Variants in ABCC8 observed in about 807,000 individuals in gnomAD.
ABCC8 encodes ATP-binding cassette sub-family C member 8.
In ABCC8, 137 loss-of-function variants were observed where a neutral mutation model predicts 188.0. That is an observed-to-expected ratio of 0.73 (90% CI 0.63 to 0.84). ABCC8 has a LOEUF of 0.84. ABCC8 is among the 40% of genes least tolerant of loss of function. The pLI, the probability that ABCC8 is intolerant of heterozygous loss-of-function variation, is 0.00. For synonymous variants in ABCC8, 797 were observed against 846.5 expected, an observed-to-expected ratio of 0.94 and a Z score of 1.01; for missense variants, 1,750 against 2,072.7, an observed-to-expected ratio of 0.84 and a Z score of 3.02.
intron 7 of ABCC8, among the ~76,000 whole-genome samples, chr11:17,450,542 C>A (rs1383423978): frequency 1.4e-5 from 2 of 143,004 alleles, no homozygotes; most frequent in Non-Finnish European, 3.1e-5. Flanking sequence ...CTACAGGCAC[C>A]CGCCACCATG....
At chr11:17,472,106 C>CT (rs924436491) in intron 2 of ABCC8, among the ~76,000 whole-genome samples, 26 of 151,874 alleles carry the variant, frequency 1.7e-4, no homozygotes, top group African/African-American at 3.9e-4. Context: ...GATATAAATG[C>CT]TTTTTTTTGC....
intron 8 of ABCC8, among the ~76,000 whole-genome samples, chr11:17,447,389 G>A (rs901249971): frequency 1.5e-4 from 23 of 152,088 alleles, no homozygotes; most frequent in African/African-American, 4.1e-4. Flanking sequence ...CAGCACCAAA[G>A]GTTGTCTTGC....
chr11:17,476,505 C>A (rs1411626843), intron 1 of ABCC8, 124 bp downstream of exon 1: 8 of 1,247,474 alleles, frequency 6.4e-6, no homozygotes, highest in Non-Finnish European at 8.9e-6. Flanking sequence ...GGCAGGGGAC[C>A]CCGGGAACGA....
In ABCC8 at chr11:17,392,984, T is replaced by C. The variant is rs760439027; in HGVS notation, c.*7A>G. On this transcript the variant is annotated 3_prime_UTR_variant, in exon 39 of 39. Coordinates refer to ENST00000389817, the MANE Select transcript of ABCC8 (RefSeq NM_000352.6). ...CGAATGTGGGATGGCACTTGGGCTCTGGCAGGTCACTTGTCTGCACGGACG... is the reference window on the plus strand; with the variant it reads ...CGAATGTGGGATGGCACTTGGGCTCCGGCAGGTCACTTGTCTGCACGGACG... 4 of 1,614,060 alleles carry C rather than the reference T, an allele frequency of 2.5e-6. No individual in the cohort carries two copies. Among genetic ancestry groups the C allele is most frequent in the Non-Finnish European group, 3.4e-6 (4 of 1,180,022 alleles).
At position 17,453,274 on chromosome 11, in the gene ABCC8, G is replaced by A; in HGVS notation, c.1021C>T (p.Leu341Phe). 6.2e-7 allele frequency: 1 copy of A among 1,614,118 alleles called. No homozygotes were observed. The highest frequency in any genetic ancestry group is 8.5e-7 in the Non-Finnish European group (1 of 1,180,030). ...NDVFQPKTQF[L>F]GVYFVSSQEF... Reference sequence around the variant, plus strand: ...TGGGATGAGACAAAGTAAACCCCGAGAAATTGTGTCTGTTGGAAAGAGAAG... The same window carrying A: ...TGGGATGAGACAAAGTAAACCCCGAAAAATTGTGTCTGTTGGAAAGAGAAG... Residue 341 changes from leucine (L) to phenylalanine (F), a missense_variant, in exon 7 of 39, where the codon CTC (leucine) becomes TTC (phenylalanine). By Grantham distance (22) the Leu-to-Phe change is conservative. Transcript: ENST00000389817.
chr11:17,474,848 G>A lies in ABCC8; in HGVS notation c.290+38C>T, dbSNP rs759122943. 3.8e-5 allele frequency: 61 copies of A among 1,604,290 alleles called. No individual in the cohort carries two copies. The East Asian group carries it at 1.3e-3, about 35-fold the overall frequency. ...TGGGCCTTTCAGGAAGTACCCTGGA[G>A]CAGATTCACTTTCCTGAGTCCTCAG... On this transcript the variant is annotated intron_variant, in intron 2 of 38. Transcript: ENST00000389817.
chr11:17,417,052 C>A (rs1955114102), intron 16 of ABCC8, 90 bp from the exon 17 acceptor site: 2 of 1,593,120 alleles, frequency 1.3e-6, no homozygotes, highest in East Asian at 4.6e-5. Flanking sequence ...AGAAGCAATC[C>A]CCACCTCCAA....
At chr11:17,413,563 G>T (rs2133474469) in intron 19 of ABCC8, 85 bp from the exon 20 acceptor site, 2 of 1,611,654 alleles carry the variant, frequency 1.2e-6, no homozygotes, top group Non-Finnish European at 1.7e-6. Context: ...TAGTCTCTGG[G>T]TAGCTATGCC....
chr11:17,430,110 C>G, intron 12 of ABCC8: 1 of 155,806 alleles, frequency 6.4e-6, no homozygotes, highest in South Asian at 2.0e-4. Flanking sequence ...GCATGACAGG[C>G]TCTTGCTTTC....
At chr11:17,470,019 G>T in intron 3 of ABCC8, 82 bp downstream of exon 3, 4 of 1,534,562 alleles carry the variant, frequency 2.6e-6, no homozygotes, top group Non-Finnish European at 3.6e-6. Context: ...TAGAGCAATA[G>T]CTGGCACATA....
At chr11:17,422,588 G>T (rs779040960) in intron 16 of ABCC8, among the ~76,000 whole-genome samples, 2 of 151,996 alleles carry the variant, frequency 1.3e-5, no homozygotes, top group African/African-American at 4.8e-5. Context: ...CTCTCTTCTT[G>T]ATCAATACTT....
chr11:17,395,909 C>A lies in ABCC8; in HGVS notation c.4141G>T (p.Gly1381Cys). The change falls in exon 34 of 39, where the codon GGC (glycine) becomes TGC (cysteine). Residue 1381 changes from glycine (G) to cysteine (C), a missense_variant. Gly to Cys is a radical substitution (Grantham distance 159). Coordinates refer to ENST00000389817, the MANE Select transcript of ABCC8 (RefSeq NM_000352.6). The part of the protein sequence containing the change: ...GQKIGICGRT[G>C]SGKSSFSLAF... ...AGAGAGAAGGAGGACTTCCCACTGC[C>A]GGTGCGGCCGCAGATCCCGATCTGG... 6.3e-7 allele frequency: 1 copy of A among 1,586,996 alleles called. No homozygotes were observed. Among genetic ancestry groups the A allele is most frequent in the Non-Finnish European group, 8.6e-7 (1 of 1,165,410 alleles).
intron 6 of ABCC8, among the ~76,000 whole-genome samples, chr11:17,454,896 G>T (rs1956938123): frequency 6.6e-6 from 1 of 152,082 alleles, no homozygotes; most frequent in South Asian, 2.1e-4. Context: ...GACTTGTGGG[G>T]GATGGAAACT....
At chr11:17,419,756 G>C (rs1955249179) in intron 16 of ABCC8, among the ~76,000 whole-genome samples, 1 of 152,156 alleles carries the variant, frequency 6.6e-6, no homozygotes, top group African/African-American at 2.4e-5. Flanking sequence ...GTGAAGGGAG[G>C]GAACTGCAGG....
intron 2 of ABCC8, among the ~76,000 whole-genome samples, chr11:17,473,159 C>T (rs1848572130): frequency 6.6e-6 from 1 of 152,140 alleles, no homozygotes; most frequent in Non-Finnish European, 1.5e-5. Context: ...TCACTGAAGA[C>T]CCAGGTCTTC....
At chr11:17,442,333 A>G (rs1317341982) in intron 10 of ABCC8, among the ~76,000 whole-genome samples, 1 of 152,230 alleles carries the variant, frequency 6.6e-6, no homozygotes, top group East Asian at 1.9e-4. Flanking sequence ...CAGGGCAATG[A>G]CAGCTCAGTC....
chr11:17,417,747 T>TTC (rs149336933), intron 16 of ABCC8, among the ~76,000 whole-genome samples: 53 of 149,864 alleles, frequency 3.5e-4, no homozygotes, highest in South Asian at 2.3e-3. Flanking sequence ...TAGTAGTATT[T>TTC]TCTCTCTCTC....
intron 8 of ABCC8, chr11:17,448,298 G>A: frequency 1.7e-6 from 1 of 578,348 alleles, no homozygotes; most frequent in Non-Finnish European, 3.1e-6. Context: ...AAGTCTTAAT[G>A]ATACTGCCTT....
chr11:17,439,622 A>AG (rs1341124207), intron 10 of ABCC8, among the ~76,000 whole-genome samples: 1 of 151,724 alleles, frequency 6.6e-6, no homozygotes, highest in Non-Finnish European at 1.5e-5. Context: ...TGACTAACGG[A>AG]GGGAAAAAAA....
Sources: allele counts gnomAD v4.1 joint callset (sites outside exome capture counted in the v4.1 genomes callset), GRCh38; gene constraint gnomAD v4.1.1; transcripts MANE v1.5; gene names NCBI Gene and HGNC (gene_info 2026-07-23, HGNC 2026-07-21).